Variants in CAPN7 observed in about 807,000 individuals in gnomAD.
The protein encoded by CAPN7 is calpain-7.
CAPN7 carries 72 observed loss-of-function variants against 115.2 expected under a neutral mutation model. That is an observed-to-expected ratio of 0.63 (90% CI 0.52 to 0.76). CAPN7 has a LOEUF of 0.76. Among genes scored for constraint, CAPN7 ranks in the 30% least tolerant of loss-of-function variants. The probability of loss-of-function intolerance (pLI) is 0.00; values close to 1 mark genes in which losing one functional copy is unlikely to be tolerated. For synonymous variants in CAPN7, 344 were observed against 322.3 expected (o/e 1.07, Z -0.72); for missense variants, 905 against 971.5 (o/e 0.93, Z 0.91).
chr3:15,240,843 T>A lies in CAPN7; in HGVS notation c.1642T>A (p.Cys548Ser). 2 of 1,600,544 alleles carry A rather than the reference T, an allele frequency of 1.2e-6. No individual in the cohort carries two copies. Among genetic ancestry groups the A allele is most frequent in the Non-Finnish European group, 8.6e-7 (1 of 1,168,002 alleles). Residue 548 changes from cysteine to serine, a missense_variant, in exon 14 of 21, where the codon TGT (cysteine) becomes AGT (serine). By Grantham distance (112) the Cys-to-Ser change is moderately radical. Around this residue, in one of 3 missense-constraint regions of CAPN7, gnomAD observed 620 missense variants for 703.4 expected, o/e 0.88. Transcript: ENST00000253693. ...WNPGLFKESTCIHSTWDAKQG... is the reference protein window; with the variant it reads ...WNPGLFKESTSIHSTWDAKQG... ...TCCAGGTCTTTTTAAAGAATCAACATGTATTCACAGGTAACTTTTTGCACA... is the reference window on the plus strand; with the variant it reads ...TCCAGGTCTTTTTAAAGAATCAACAAGTATTCACAGGTAACTTTTTGCACA...
chr3:15,250,912 T>C lies in CAPN7; in HGVS notation c.2205-19T>C. 6.7e-7 allele frequency: 1 copy of C among 1,496,722 alleles called. No individual in the cohort carries two copies. The highest frequency in any genetic ancestry group is 9.3e-7 in the Non-Finnish European group (1 of 1,075,572). The allele number at this position is 1,496,722 out of a possible 1,614,324, so 92.7% of individuals were successfully genotyped here. On this transcript the variant is annotated intron_variant, in intron 19 of 20. Coordinates refer to ENST00000253693, the MANE Select transcript of CAPN7 (RefSeq NM_014296.3). ...AGAATATATATTAATACAGTAATTC[T>C]GTTCATTTTAAATGCTAGGCAATAT... is the stretch of plus-strand genomic sequence containing the variant.
At position 15,206,372 on chromosome 3, in the gene CAPN7, A is replaced by G. The variant is rs914322695; in HGVS notation, c.-124A>G. 37 of 685,130 alleles carry G rather than the reference A, an allele frequency of 5.4e-5. No homozygotes were observed. In the African/African-American group the frequency reaches 6.5e-4, roughly 12 times the overall value. The allele number at this position is 685,130 out of a possible 1,614,324, so 42.4% of individuals were successfully genotyped here. A position where few individuals can be genotyped will look rare whatever the true frequency, so the allele number is the denominator to read the frequency against. ...AGGCGAGCTCTCCTCCACCGTCCAA[A>G]GTAAACTTTGCCGCTCCTTCCGCGG... On this transcript the variant is annotated 5_prime_UTR_variant, in exon 1 of 21. Coordinates refer to ENST00000253693, the MANE Select transcript of CAPN7 (RefSeq NM_014296.3).
chr3:15,206,796 C>A (rs2044652093), intron 1 of CAPN7, among the ~76,000 whole-genome samples, 199 bp downstream of exon 1: 1 of 152,214 alleles, frequency 6.6e-6, no homozygotes, highest in South Asian at 2.1e-4. Context: ...GAGGCTGGGT[C>A]GCGGCTTGCA....
chr3:15,214,544 C>A (rs1369091979), intron 2 of CAPN7, among the ~76,000 whole-genome samples: 1 of 151,990 alleles, frequency 6.6e-6, no homozygotes, highest in African/African-American at 2.4e-5. Flanking sequence ...GCAACATAGA[C>A]TTCACCCCTA....
intron 9 of CAPN7, among the ~76,000 whole-genome samples, chr3:15,231,702 G>A (rs1427323726): frequency 6.6e-6 from 1 of 151,924 alleles, no homozygotes; most frequent in Non-Finnish European, 1.5e-5. Context: ...GCTAATTTTT[G>A]TATTTTTAGT....
intron 4 of CAPN7, 22 bp downstream of exon 4, chr3:15,218,562 C>G (rs1389749935): frequency 2.6e-6 from 4 of 1,565,654 alleles, no homozygotes; most frequent in African/African-American, 2.7e-5. Flanking sequence ...CTCTCAAGTT[C>G]TAATCCATGG....
chr3:15,209,741 T>G (rs2044829619), intron 1 of CAPN7, among the ~76,000 whole-genome samples: 1 of 152,236 alleles, frequency 6.6e-6, no homozygotes, highest in Non-Finnish European at 1.5e-5. Context: ...TATATAAAAA[T>G]AGATTTTATT....
At chr3:15,243,019 A>G (rs1236031795) in intron 16 of CAPN7, among the ~76,000 whole-genome samples, 1 of 152,176 alleles carries the variant, frequency 6.6e-6, no homozygotes, top group Non-Finnish European at 1.5e-5. Context: ...TGTAAAAAAA[A>G]GGGTTATGTG....
intron 8 of CAPN7, among the ~76,000 whole-genome samples, chr3:15,229,635 G>T (rs1357243056): frequency 7.3e-6 from 1 of 137,450 alleles, no homozygotes; most frequent in African/African-American, 2.8e-5. Flanking sequence ...GAGTGCAATG[G>T]CGTGATCTCG....
Position 15,232,633 on chromosome 3 carries a change from A to G in CAPN7, c.1147A>G (p.Met383Val), listed in dbSNP as rs752064264. 3 of 1,610,496 alleles carry G rather than the reference A, an allele frequency of 1.9e-6. No individual in the cohort carries two copies. The highest frequency in any genetic ancestry group is 1.7e-5 in the Admixed American group (1 of 59,244). ...CATAGAAAAAGCATACATGAAAGTC[A>G]TGGGAGGATATGATTTTCCAGGATC... is the stretch of plus-strand genomic sequence containing the variant. ...SLIEKAYMKV[M>V]GGYDFPGSNS... The change falls in exon 10 of 21, where the codon ATG (methionine) becomes GTG (valine). Residue 383 changes from methionine to valine, a missense_variant. Coordinates refer to ENST00000253693, the MANE Select transcript of CAPN7 (RefSeq NM_014296.3).
intron 16 of CAPN7, among the ~76,000 whole-genome samples, chr3:15,244,884 A>G (rs950384678): frequency 3.3e-5 from 5 of 152,232 alleles, no homozygotes; most frequent in Non-Finnish European, 5.9e-5. Flanking sequence ...ATAGAACAAC[A>G]TAGCTCTTTT....
intron 19 of CAPN7, among the ~76,000 whole-genome samples, chr3:15,248,081 C>T (rs551619478): frequency 1.4e-4 from 22 of 151,850 alleles, no homozygotes; most frequent in Admixed American, 5.9e-4. Context: ...TGCTAGATGA[C>T]GAGTTAGTGG....
chr3:15,249,773 TC>T (rs1695892976), intron 19 of CAPN7, among the ~76,000 whole-genome samples: 1 of 151,526 alleles, frequency 6.6e-6, no homozygotes, highest in Non-Finnish European at 1.5e-5. Flanking sequence ...ATTTTTTTTT[TC>T]TTTTTTTTTT....
At position 15,213,110 on chromosome 3, in the gene CAPN7, G is replaced by C. The variant is rs191107908; in HGVS notation, c.211+898G>C. Among the ~76,000 whole-genome samples, 18 of 152,316 alleles carry C rather than the reference G, an allele frequency of 1.2e-4. 1 individual carries two copies. The East Asian group carries it at 3.5e-3, about 29-fold the overall frequency. Reference sequence around the variant, plus strand: ...GGAACCTCACTTGATACAAAGTATTGATTCATGTATTCAAAATATCATATA... The same window carrying C: ...GGAACCTCACTTGATACAAAGTATTCATTCATGTATTCAAAATATCATATA... On this transcript the variant is annotated intron_variant, in intron 2 of 20. Transcript: ENST00000253693.
intron 19 of CAPN7, among the ~76,000 whole-genome samples, chr3:15,249,223 T>C (rs1045422644): frequency 6.6e-6 from 1 of 152,140 alleles, no homozygotes; most frequent in Non-Finnish European, 1.5e-5. Context: ...TAAACCTATT[T>C]GCTCTTTTGT....
In CAPN7 at chr3:15,233,979, C is replaced by T. The variant is rs373995867; in HGVS notation, c.1286+6C>T. On this transcript the variant is annotated splice_donor_region_variant and intron_variant, in intron 11 of 20. Transcript: ENST00000253693. ...TTCAGAATGCTTTATCAAAGGTAAA[C>T]ATTTTTCTTTGTTTTATGTGTGTGG... The T allele has an allele frequency of 6.8e-7, 1 of 1,462,186 alleles. No individual in the cohort carries two copies. Among genetic ancestry groups the T allele is most frequent in the African/African-American group, 1.4e-5 (1 of 71,336 alleles). 90.6% of individuals were successfully genotyped at this position (1,462,186 alleles called of 1,614,324 possible).
At chr3:15,222,070 C>CAA (rs58470950) in intron 5 of CAPN7, among the ~76,000 whole-genome samples, 39 of 135,578 alleles carry the variant, frequency 2.9e-4, no homozygotes, top group African/African-American at 7.4e-4. Flanking sequence ...TTACATGCAT[C>CAA]AAAAAAAAAA....
At chr3:15,210,064 G>C (rs1199119067) in intron 1 of CAPN7, among the ~76,000 whole-genome samples, 2 of 152,092 alleles carry the variant, frequency 1.3e-5, no homozygotes, top group African/African-American at 4.8e-5. Context: ...GCAGTGGTGA[G>C]ATCATAACTC....
At position 15,247,429 on chromosome 3, in the gene CAPN7, C is replaced by G; in HGVS notation, c.2176C>G (p.Pro726Ala). ...CCAATTCCATATAGAAAAGACTGGG[C>G]CGTTACTGATTGAGCTACGAGGACC... ...IYQFHIEKTGPLLIELRGPRQ... is the reference protein window; with the variant it reads ...IYQFHIEKTGALLIELRGPRQ... The change falls in exon 19 of 21, where the codon CCG (proline) becomes GCG (alanine). Residue 726 changes from proline to alanine, a missense_variant. This residue lies in a region of CAPN7 where 620 missense variants were observed against 703.4 expected (regional missense o/e 0.88). Coordinates refer to ENST00000253693, the MANE Select transcript of CAPN7 (RefSeq NM_014296.3). 6.2e-7 allele frequency: 1 copy of G among 1,602,596 alleles called. No homozygotes were observed. Among genetic ancestry groups the G allele is most frequent in the Non-Finnish European group, 8.5e-7 (1 of 1,176,320 alleles).
Sources: gnomAD v4.1 joint callset for allele counts (sites outside exome capture counted in the v4.1 genomes callset) on GRCh38, gnomAD v4.1.1 for gene constraint, gnomAD v4.1.1 regional missense constraint, MANE v1.5 for transcripts, NCBI Gene and HGNC (gene_info 2026-07-23, HGNC 2026-07-21) for gene names.